The following CSMD1 variants were observed in gnomAD, a reference collection of about 807,000 sequenced individuals.
CSMD1 encodes the protein CUB and Sushi multiple domains 1, also known as CUB and sushi domain-containing protein 1.
Under a neutral mutation model 417.5 loss-of-function variants are expected in CSMD1, and 213 were observed. The ratio of observed to expected loss-of-function variants is 0.51; its 90% confidence interval spans 0.46 to 0.57. The LOEUF (loss-of-function observed/expected upper bound fraction) is 0.57, where lower values mean the gene tolerates loss of function less well. Among genes scored for constraint, CSMD1 ranks in the 20% least tolerant of loss-of-function variants. The probability of loss-of-function intolerance (pLI) is 0.00; values close to 1 mark genes in which losing one functional copy is unlikely to be tolerated. For synonymous variants in CSMD1, 2,862 were observed against 1,736.8 expected, an observed-to-expected ratio of 1.65 and a Z score of -16.11; for missense variants, 6,923 against 4,529.7, an observed-to-expected ratio of 1.53 and a Z score of -15.17.
intron 25 of CSMD1, among the ~76,000 whole-genome samples, chr8:3,298,552 C>G (rs1354479982): frequency 6.6e-6 from 1 of 152,160 alleles, no homozygotes; most frequent in South Asian, 2.1e-4. Flanking sequence ...CTCCCAGGCT[C>G]AAGCAATTCT....
intron 1 of CSMD1, among the ~76,000 whole-genome samples, chr8:4,639,789 T>C (rs1406596142): frequency 6.6e-6 from 1 of 152,286 alleles, no homozygotes; most frequent in East Asian, 1.9e-4. Flanking sequence ...TATTATCAAA[T>C]GCTTGTGGGA....
chr8:4,033,429 G>C (rs557702661), intron 3 of CSMD1, among the ~76,000 whole-genome samples: 1 of 152,146 alleles, frequency 6.6e-6, no homozygotes, highest in African/African-American at 2.4e-5. Context: ...GTGACAGAGC[G>C]AGACTCCGCC....
intron 52 of CSMD1, among the ~76,000 whole-genome samples, chr8:3,000,845 C>T (rs184349983): frequency 9.2e-4 from 140 of 152,268 alleles, no homozygotes; most frequent in African/African-American, 3.2e-3. Context: ...TCGCGACAGG[C>T]GTCTTTACTT....
intron 26 of CSMD1, among the ~76,000 whole-genome samples, chr8:3,254,800 T>C (rs1037958616): frequency 2.6e-5 from 4 of 152,218 alleles, no homozygotes; most frequent in African/African-American, 9.6e-5. Flanking sequence ...TTTTAACTTC[T>C]TTGCCATGGG....
chr8:3,568,319 C>T (rs1799802665), intron 10 of CSMD1, among the ~76,000 whole-genome samples: 1 of 152,070 alleles, frequency 6.6e-6, no homozygotes, highest in Admixed American at 6.6e-5. Context: ...GCAGAATTTC[C>T]TTCTTTTTAT....
intron 26 of CSMD1, among the ~76,000 whole-genome samples, chr8:3,251,319 G>A (rs1800236173): frequency 1.3e-5 from 2 of 152,100 alleles, no homozygotes; most frequent in Non-Finnish European, 2.9e-5. Context: ...ATTAAATAGG[G>A]AATCCTTTCC....
intron 11 of CSMD1, among the ~76,000 whole-genome samples, chr8:3,475,623 C>T (rs949749633): frequency 6.6e-6 from 1 of 152,136 alleles, no homozygotes; most frequent in Non-Finnish European, 1.5e-5. Context: ...ACTCTTCAGA[C>T]CTAAAATTCT....
In CSMD1 at chr8:3,118,414, A is replaced by G. The variant is rs1258006718; in HGVS notation, c.6415T>C (p.Phe2139Leu). 1.9e-6 allele frequency: 3 copies of G among 1,612,856 alleles called. No homozygotes were observed. The highest frequency in any genetic ancestry group is 1.7e-5 in the Admixed American group (1 of 59,830). Residue 2139 changes from phenylalanine to leucine, a missense_variant, in exon 42 of 70, where the codon TTT (phenylalanine) becomes CTT (leucine). By Grantham distance (22) the Phe-to-Leu change is conservative (BLOSUM62 0). Transcript: ENST00000635120. Reference protein sequence around the residue: ...HGINRNWNYPFPRCDAPCGYN... With the variant: ...HGINRNWNYPLPRCDAPCGYN... ...ATGAACTTACCATCACATCTTGGAA[A>G]AGGGTAGTTCCAGTTTCTGTTGATC...
At chr8:4,129,344 C>A (rs933773922) in intron 3 of CSMD1, among the ~76,000 whole-genome samples, 5 of 152,054 alleles carry the variant, frequency 3.3e-5, no homozygotes, top group East Asian at 1.9e-4. Context: ...ATTTTTTGAA[C>A]CTTCTTGAAT....
At chr8:3,849,586 A>C (rs778205796) in intron 5 of CSMD1, among the ~76,000 whole-genome samples, 1 of 152,126 alleles carries the variant, frequency 6.6e-6, no homozygotes, top group African/African-American at 2.4e-5. Flanking sequence ...AATGCTCCAC[A>C]TGGGAAAAGA....
intron 26 of CSMD1, among the ~76,000 whole-genome samples, chr8:3,263,861 C>T (rs886654545): frequency 6.6e-6 from 1 of 152,156 alleles, no homozygotes; most frequent in East Asian, 1.9e-4. Context: ...CCAAGTATGT[C>T]TCTTCTTTGA....
chr8:4,257,276 C>G (rs1245752220), intron 3 of CSMD1, among the ~76,000 whole-genome samples: 6 of 152,064 alleles, frequency 3.9e-5, no homozygotes, highest in Admixed American at 3.9e-4. Context: ...CTTTCTGTAC[C>G]CTTTCTGTTA....
At chr8:3,536,719 G>T (rs970026992) in intron 10 of CSMD1, among the ~76,000 whole-genome samples, 3 of 152,114 alleles carry the variant, frequency 2.0e-5, no homozygotes, top group East Asian at 1.9e-4. Context: ...TCCCTCCTCC[G>T]GTCTTGCAGG....
At chr8:3,609,457 ATTTTATGC>A (rs1353756430) in intron 8 of CSMD1, among the ~76,000 whole-genome samples, 4 of 152,196 alleles carry the variant, frequency 2.6e-5, no homozygotes, top group African/African-American at 4.8e-5. Flanking sequence ...CAAGCTTTGT[ATTTTATGC>A]TTTATTTTCT....
chr8:3,217,674 C>G (rs545581473), intron 29 of CSMD1, among the ~76,000 whole-genome samples: 1 of 152,224 alleles, frequency 6.6e-6, no homozygotes, highest in African/African-American at 2.4e-5. Flanking sequence ...TGACGGATCC[C>G]ATCTCAAAGG....
At chr8:4,211,941 T>C (rs887368318) in intron 3 of CSMD1, among the ~76,000 whole-genome samples, 3 of 152,166 alleles carry the variant, frequency 2.0e-5, no homozygotes, top group African/African-American at 7.2e-5. Flanking sequence ...GGTAATAAAG[T>C]CAACTGTATT....
intron 1 of CSMD1, among the ~76,000 whole-genome samples, chr8:4,824,047 C>G (rs979250770): frequency 3.3e-5 from 5 of 151,226 alleles, no homozygotes; most frequent in African/African-American, 1.2e-4. Flanking sequence ...TGCACCCACA[C>G]ATGCACACAT....
At chr8:4,153,828 C>T (rs898608565) in intron 3 of CSMD1, among the ~76,000 whole-genome samples, 3 of 152,188 alleles carry the variant, frequency 2.0e-5, no homozygotes, top group Admixed American at 1.3e-4. Flanking sequence ...AATGACGGAA[C>T]GTCACATGCA....
intron 6 of CSMD1, among the ~76,000 whole-genome samples, chr8:3,750,196 A>G (rs1797264610): frequency 6.6e-6 from 1 of 152,142 alleles, no homozygotes; most frequent in Non-Finnish European, 1.5e-5. Context: ...CACTGACGGA[A>G]TTTTTGTTCT....
Sources: gnomAD v4.1 joint callset for allele counts (sites outside exome capture counted in the v4.1 genomes callset) on GRCh38, gnomAD v4.1.1 for gene constraint, MANE v1.5 for transcripts, NCBI Gene and HGNC (gene_info 2026-07-23, HGNC 2026-07-21) for gene names.